The following SH3PXD2A variants were observed in gnomAD, a reference collection of about 807,000 sequenced individuals.
SH3PXD2A encodes the protein SH3 and PX domains 2A, also known as SH3 and PX domain-containing protein 2A.
SH3PXD2A carries 32 observed loss-of-function variants against 115.2 expected under a neutral mutation model. That is an observed-to-expected ratio of 0.28 (90% CI 0.21 to 0.37). The LOEUF (loss-of-function observed/expected upper bound fraction) is 0.37, where lower values mean the gene tolerates loss of function less well. SH3PXD2A is among the 10% of genes least tolerant of loss of function. The probability of loss-of-function intolerance (pLI) is 1.00; values close to 1 mark genes in which losing one functional copy is unlikely to be tolerated. For synonymous variants in SH3PXD2A, 610 were observed against 629.1 expected, an observed-to-expected ratio of 0.97 and a Z score of 0.45; for missense variants, 1,328 against 1,498.7, an observed-to-expected ratio of 0.89 and a Z score of 1.88.
At chr10:103,797,310 G>A (rs1440064639) in intron 2 of SH3PXD2A, among the ~76,000 whole-genome samples, 1 of 152,166 alleles carries the variant, frequency 6.6e-6, no homozygotes, top group Non-Finnish European at 1.5e-5. Context: ...GGGATGGGAA[G>A]GGGACGCTGA....
chr10:103,678,731 A>G (rs1001912048), intron 6 of SH3PXD2A, among the ~76,000 whole-genome samples: 6 of 152,120 alleles, frequency 3.9e-5, no homozygotes, highest in African/African-American at 1.4e-4. Context: ...TTTCATGTGC[A>G]TCTCCTAGTG....
rs377070929 is a variant in SH3PXD2A at position 103,665,633 on chromosome 10, C to T, written c.472+2975G>A. 3.5e-4 allele frequency among the ~76,000 whole-genome samples: 54 copies of T among 152,216 alleles called. No individual in the cohort carries two copies. In the East Asian group the frequency reaches 8.7e-3, roughly 25 times the overall value. On this transcript the variant is annotated intron_variant, in intron 7 of 14. Transcript: ENST00000369774. This position sits in a 1 kb window ranked among gnomAD's most constrained non-coding sequence, Gnocchi z 4.0. ...TAGGGTGTTCCCTGGCCAGGGCAGC[C>T]GGGCGGGCGGGAGCTGCGAGCAGGT...
At chr10:103,775,148 G>A (rs568968730) in intron 2 of SH3PXD2A, among the ~76,000 whole-genome samples, 25 of 152,148 alleles carry the variant, frequency 1.6e-4, no homozygotes, top group African/African-American at 5.6e-4. Context: ...GAGGAAGCAC[G>A]GTGCTAGAAC....
chr10:103,736,113 T>C (rs931693934), intron 3 of SH3PXD2A, among the ~76,000 whole-genome samples: 1 of 152,030 alleles, frequency 6.6e-6, no homozygotes, highest in Admixed American at 6.6e-5. Context: ...ATGCCCGGAG[T>C]GGGTGCGGCT....
intron 4 of SH3PXD2A, among the ~76,000 whole-genome samples, chr10:103,727,495 G>A (rs2038255025): frequency 6.6e-6 from 1 of 152,154 alleles, no homozygotes; most frequent in Admixed American, 6.5e-5. Context: ...CCGGCTCTGT[G>A]CAAAGTCATT....
rs1014646944 is a variant in SH3PXD2A at position 103,597,469 on chromosome 10, G to C, written c.*4347C>G. The C allele has an allele frequency of 1.3e-5, 2 of 152,302 alleles. No individual in the cohort carries two copies. The highest frequency in any genetic ancestry group is 2.9e-5 in the Non-Finnish European group (2 of 68,106). The allele number at this position is 152,302 out of a possible 1,614,324, so 9.4% of individuals were successfully genotyped here. A position where few individuals can be genotyped will look rare whatever the true frequency, so the allele number is the denominator to read the frequency against. On this transcript the variant is annotated 3_prime_UTR_variant, in exon 15 of 15. Coordinates refer to ENST00000369774, the MANE Select transcript of SH3PXD2A (RefSeq NM_001394015.1). The stretch of plus-strand genomic sequence containing the variant: ...TGCACCACAACAGAAATCAAAACAA[G>C]GAACAGCTCCCGAGGGCCTGCCTCT...
chr10:103,730,938 G>A (rs1028267926), intron 4 of SH3PXD2A, among the ~76,000 whole-genome samples: 42 of 152,178 alleles, frequency 2.8e-4, no homozygotes, highest in African/African-American at 4.8e-5. Flanking sequence ...GGCCCACTGC[G>A]GAGACTGAAT....
chr10:103,690,359 T>C (rs1164206077), intron 6 of SH3PXD2A, among the ~76,000 whole-genome samples: 2 of 152,268 alleles, frequency 1.3e-5, no homozygotes, highest in African/African-American at 2.4e-5. Flanking sequence ...ACAGAACCAA[T>C]GGGAGGTGCA....
rs376965715 is a variant in SH3PXD2A, at chr10:103,601,957, C to A, written c.3261G>T (p.Glu1087Asp). 5 of 1,614,122 alleles carry A rather than the reference C, an allele frequency of 3.1e-6. No homozygotes were observed. In the African/African-American group the frequency reaches 6.7e-5, roughly 22 times the overall value. Residue 1087 changes from glutamate (E) to aspartate (D), a missense_variant, in exon 15 of 15, where the codon GAG becomes GAT. Physicochemically the swap from Glu to Asp is conservative, Grantham distance 45 (BLOSUM62 2). Around this residue, in one of 5 missense-constraint regions of SH3PXD2A, gnomAD observed 45 missense variants for 73.6 expected, o/e 0.61. Coordinates refer to ENST00000369774, the MANE Select transcript of SH3PXD2A (RefSeq NM_001394015.1). ...YVSIADYEGD[E>D]ETAGFQEGVS... The stretch of plus-strand genomic sequence containing the variant: ...CCCCCTCCTGGAAGCCTGCTGTCTC[C>A]TCATCCCCCTCGTAGTCTGCGATAG...
In SH3PXD2A at chr10:103,780,973, C is replaced by T. The variant is rs189091131; in HGVS notation, c.154-13804G>A. 4.2e-3 allele frequency among the ~76,000 whole-genome samples: 642 copies of T among 152,298 alleles called. 3 individuals carry two copies. Among genetic ancestry groups the T allele is most frequent in the Middle Eastern group, 0.014 (4 of 294 alleles). On this transcript the variant is annotated intron_variant, in intron 2 of 14. Coordinates refer to ENST00000369774, the MANE Select transcript of SH3PXD2A (RefSeq NM_001394015.1). ...ACACGCCCTGCCACCCTTGCTTGTCCGTCCCTGCACACTGCCTGGCCTGCC... is the reference window on the plus strand; with the variant it reads ...ACACGCCCTGCCACCCTTGCTTGTCTGTCCCTGCACACTGCCTGGCCTGCC...
intron 6 of SH3PXD2A, among the ~76,000 whole-genome samples, chr10:103,678,953 A>G (rs925264441): frequency 6.6e-6 from 1 of 152,224 alleles, no homozygotes; most frequent in Non-Finnish European, 1.5e-5. Context: ...CTGAAACAGA[A>G]CCACACAGTA....
At position 103,615,052 on chromosome 10, in the gene SH3PXD2A, G is replaced by A. The variant is rs1451931477; in HGVS notation, c.921-1862C>T. Among the ~76,000 whole-genome samples, 4 of 152,208 alleles carry A rather than the reference G, an allele frequency of 2.6e-5. No individual in the cohort carries two copies. In the East Asian group the frequency reaches 7.7e-4, roughly 29 times the overall value. On this transcript the variant is annotated intron_variant, in intron 11 of 14. Coordinates refer to ENST00000369774, the MANE Select transcript of SH3PXD2A (RefSeq NM_001394015.1). ...AACAGAAGCACAGAATTTTAAGGGTGGATGGAAGCAACGAGTAAAAATACC... is the reference window on the plus strand; with the variant it reads ...AACAGAAGCACAGAATTTTAAGGGTAGATGGAAGCAACGAGTAAAAATACC...
At chr10:103,769,185 C>T (rs867676375) in intron 2 of SH3PXD2A, among the ~76,000 whole-genome samples, 16 of 148,646 alleles carry the variant, frequency 1.1e-4, no homozygotes, top group Middle Eastern at 3.5e-3. Flanking sequence ...TGTGTGTGCG[C>T]GCGCGCGCGC....
intron 8 of SH3PXD2A, among the ~76,000 whole-genome samples, chr10:103,654,468 G>A (rs866998553): frequency 6.6e-6 from 1 of 152,170 alleles, no homozygotes; most frequent in Non-Finnish European, 1.5e-5. Context: ...TCCCAGGGTC[G>A]ATCTGTGGCA....
chr10:103,647,093 T>G (rs1483169048), intron 8 of SH3PXD2A, among the ~76,000 whole-genome samples: 1 of 152,054 alleles, frequency 6.6e-6, no homozygotes, highest in Non-Finnish European at 1.5e-5. Context: ...TTTGCCCCTT[T>G]AAATATACCC....
intron 7 of SH3PXD2A, among the ~76,000 whole-genome samples, chr10:103,662,560 C>G (rs983125716): frequency 6.6e-6 from 1 of 150,820 alleles, no homozygotes; most frequent in African/African-American, 2.4e-5. Flanking sequence ...CCACCGCGCC[C>G]GGCTAATTTT....
chr10:103,800,246 G>C (rs1264687738), intron 2 of SH3PXD2A, among the ~76,000 whole-genome samples: 2 of 152,210 alleles, frequency 1.3e-5, no homozygotes, highest in East Asian at 3.9e-4. Context: ...GCAGAGGTGG[G>C]CTCCCTAGTG....
rs10883929 is a variant in SH3PXD2A, at chr10:103,855,347, G to C, written c.-81C>G. 1 allele frequency: 1,169,015 copies of C among 1,169,748 alleles called. 584,150 individuals are homozygous for C. The highest frequency in any genetic ancestry group is 1 in the Middle Eastern group (5,008 of 5,008). 72.5% of individuals were successfully genotyped at this position (1,169,748 alleles called of 1,614,324 possible). ...GGCTCCGGCTCCTTCTCCAGCTGCC[G>C]GGGTCCCGGGGCCGCCCGCCACCCC... is the stretch of plus-strand genomic sequence containing the variant. On this transcript the variant is annotated 5_prime_UTR_variant, in exon 1 of 15. Transcript: ENST00000369774.
intron 8 of SH3PXD2A, among the ~76,000 whole-genome samples, chr10:103,648,794 C>T (rs1486116255): frequency 6.6e-6 from 1 of 152,242 alleles, no homozygotes; most frequent in Non-Finnish European, 1.5e-5. Context: ...CCTGCCCCAC[C>T]TCCCACCCTT....
Sources: gnomAD v4.1 joint callset for allele counts (sites outside exome capture counted in the v4.1 genomes callset) on GRCh38, gnomAD v4.1.1 for gene constraint, gnomAD v4.1.1 regional missense constraint, Gnocchi (gnomAD v3.1) non-coding constraint, MANE v1.5 for transcripts, NCBI Gene and HGNC (gene_info 2026-07-23, HGNC 2026-07-21) for gene names.